Variants in POLR1E observed in about 807,000 individuals in gnomAD.
The protein encoded by POLR1E is DNA-directed RNA polymerase I subunit RPA49.
A neutral mutation model predicts 50.9 loss-of-function variants in POLR1E; 37 were observed. The ratio of observed to expected loss-of-function variants is 0.73; its 90% CI spans 0.56 to 0.96. The LOEUF is 0.96. POLR1E is among the 40% of genes least tolerant of loss of function. POLR1E has a pLI of 0.00. For missense variants in POLR1E, 426 were observed against 518.1 expected, an observed-to-expected ratio of 0.82 and a Z score of 1.73; for synonymous variants, 166 against 191.6, an observed-to-expected ratio of 0.87 and a Z score of 1.10.
chr9:37,501,615 GTGCATA>G, intron 10 of POLR1E, 92 bp from the exon 11 acceptor site: 1 of 1,412,040 alleles, frequency 7.1e-7, no homozygotes, highest in Non-Finnish European at 9.6e-7. Context: ...AAGACATTCC[GTGCATA>G]TGAGAATAGG....
At chr9:37,496,623 CTTTT>C (rs376455174) in intron 8 of POLR1E, among the ~76,000 whole-genome samples, 50 of 112,504 alleles carry the variant, frequency 4.4e-4, no homozygotes, top group African/African-American at 1.6e-3. Flanking sequence ...ATTATTATTT[CTTTT>C]TTTTTTTTTT....
intron 9 of POLR1E, among the ~76,000 whole-genome samples, chr9:37,499,613 C>T (rs1820842889): frequency 6.6e-6 from 1 of 152,108 alleles, no homozygotes; most frequent in Non-Finnish European, 1.5e-5. Flanking sequence ...CTCACTACAA[C>T]CTCCATCTCC....
chr9:37,492,043 C>G (rs184540939), intron 4 of POLR1E, among the ~76,000 whole-genome samples: 1 of 152,264 alleles, frequency 6.6e-6, no homozygotes, highest in East Asian at 1.9e-4. Flanking sequence ...CTGTTCTAAG[C>G]ACTTTCCATG....
At chr9:37,492,344 G>A in intron 4 of POLR1E, 1 of 1,302,490 alleles carries the variant, frequency 7.7e-7, no homozygotes, top group South Asian at 1.2e-5. Context: ...TTCTAATCCT[G>A]TCTCTGCCAC....
At chr9:37,492,382 A>C (rs2119005188) in intron 4 of POLR1E, 1 of 1,149,782 alleles carries the variant, frequency 8.7e-7, no homozygotes. Context: ...TGGGGCAAGT[A>C]ATTTCATCTG....
chr9:37,494,743 A>T (rs1409777546), intron 6 of POLR1E, among the ~76,000 whole-genome samples: 1 of 152,076 alleles, frequency 6.6e-6, no homozygotes, highest in Non-Finnish European at 1.5e-5. Context: ...CTGGCTGCGG[A>T]GTTATTCTTG....
chr9:37,503,168 C>A lies in POLR1E; in HGVS notation c.1226C>A (p.Ser409Ter). ...CTCCCGCTGCCTCCAGCCCAGACCT[C>A]AGACCGCCTGGCAAAGCGGAGGAAG... is the stretch of plus-strand genomic sequence containing the variant. ...LSLPLPPAQT[S>*]DRLAKRRKIT Residue 409 changes from serine (S) to a stop codon, truncating the protein, a stop_gained, in exon 12 of 12, where the codon TCA becomes TAA. Transcript: ENST00000377798. LOFTEE classifies it high-confidence loss of function. 1 of 1,612,202 alleles carries A rather than the reference C, an allele frequency of 6.2e-7. No homozygotes were observed. Among genetic ancestry groups the A allele is most frequent in the Non-Finnish European group, 8.5e-7 (1 of 1,179,588 alleles).
At chr9:37,492,804 T>A (rs1820708832) in intron 5 of POLR1E, 89 bp downstream of exon 5, 1 of 1,167,196 alleles carries the variant, frequency 8.6e-7, no homozygotes, top group African/African-American at 1.5e-5. Flanking sequence ...CTTGTTGAAC[T>A]CAAGGGTCTC....
rs754610312 is a variant in POLR1E at position 37,500,945 on chromosome 9, T to G, written c.968+24T>G. On this transcript the variant is annotated intron_variant, in intron 10 of 11. Transcript: ENST00000377798. ...AGGTCAGGGGGTGGTTGCTGGGATTTTTCTTGTGCAGGAGAAAGTAGGTGG... is the reference window on the plus strand; with the variant it reads ...AGGTCAGGGGGTGGTTGCTGGGATTGTTCTTGTGCAGGAGAAAGTAGGTGG... The G allele has an allele frequency of 1.1e-5, 17 of 1,591,046 alleles. No individual in the cohort carries two copies. In the South Asian group the frequency reaches 1.8e-4, roughly 17 times the overall value.
intron 2 of POLR1E, among the ~76,000 whole-genome samples, chr9:37,487,490 A>G (rs1378593599): frequency 6.6e-6 from 1 of 152,204 alleles, no homozygotes; most frequent in Non-Finnish European, 1.5e-5. Flanking sequence ...TGAATCAGCC[A>G]TGGTCCTGAG....
At chr9:37,502,890 C>G (rs1177015324) in intron 11 of POLR1E, among the ~76,000 whole-genome samples, 153 bp from the exon 12 acceptor site, 1 of 152,170 alleles carries the variant, frequency 6.6e-6, no homozygotes, top group Non-Finnish European at 1.5e-5. Context: ...GGGACCTTGC[C>G]TGCCTCTCTG....
rs60990519 is a variant in POLR1E at position 37,503,419 on chromosome 9, GAA to G, written c.*226_*227del. ...TAGGGAGACCCCATCTCTACCGGAG[GAA>G]AAAAAAAAGAGTCAGGCCTGGTGGT... On this transcript the variant is annotated 3_prime_UTR_variant, in exon 12 of 12. Transcript: ENST00000377798. 78,266 of 374,814 alleles carry G rather than the reference GAA, an allele frequency of 0.21. 8,990 individuals carry two copies. The highest frequency in any genetic ancestry group is 0.27 in the Admixed American group (6,107 of 22,252). The allele number at this position is 374,814 out of a possible 1,614,324, so 23.2% of individuals were successfully genotyped here.
At position 37,488,201 on chromosome 9, in the gene POLR1E, GTC is replaced by G. The variant is rs1820612132; in HGVS notation, c.257+267_257+268del. On this transcript the variant is annotated intron_variant, in intron 3 of 11. Transcript: ENST00000377798. ...ATAGCTGTCTTATTCCAAAAGGCAG[GTC>G]TCTCCATTAATTTGGAATGTGTGAC... 2.6e-5 allele frequency among the ~76,000 whole-genome samples: 4 copies of G among 152,276 alleles called. No homozygotes were observed. The South Asian group carries it at 8.3e-4, about 32-fold the overall frequency.
chr9:37,490,868 C>T (rs1297070027), intron 4 of POLR1E: 3 of 542,512 alleles, frequency 5.5e-6, no homozygotes, highest in Non-Finnish European at 1.1e-5. Flanking sequence ...TTGGGTGCCT[C>T]TCCTCTTTCC....
At chr9:37,500,636 G>A (rs893966032) in intron 9 of POLR1E, among the ~76,000 whole-genome samples, 3 of 152,120 alleles carry the variant, frequency 2.0e-5, no homozygotes, top group Non-Finnish European at 2.9e-5. Context: ...AGCATCTCTC[G>A]TGCAGGGCAA....
At chr9:37,490,689 A>G in intron 4 of POLR1E, 1 of 696,430 alleles carries the variant, frequency 1.4e-6, no homozygotes, top group South Asian at 1.4e-5. Context: ...TGCCAGCAGC[A>G]TGCTAAACTG....
At chr9:37,496,164 G>A (rs7867542) in intron 8 of POLR1E, among the ~76,000 whole-genome samples, 178 bp downstream of exon 8, 42,349 of 151,976 alleles carry the variant, frequency 0.28, 6,484 homozygotes, top group African/African-American at 0.4. Context: ...GGTCACATTC[G>A]AGGGAGAGGG....
chr9:37,498,622 C>T (rs765719311), intron 9 of POLR1E, among the ~76,000 whole-genome samples: 5 of 152,206 alleles, frequency 3.3e-5, no homozygotes, highest in Admixed American at 6.5e-5. Context: ...TTATGAGTTA[C>T]ACAGATGTAT....
At chr9:37,489,289 A>T (rs1475631696) in intron 3 of POLR1E, 26 bp from the exon 4 acceptor site, 3 of 1,481,518 alleles carry the variant, frequency 2.0e-6, no homozygotes, top group Non-Finnish European at 2.8e-6. Flanking sequence ...ATCCATTGTT[A>T]TTTGTATTAT....
Sources: allele counts gnomAD v4.1 joint callset (sites outside exome capture counted in the v4.1 genomes callset), GRCh38; gene constraint gnomAD v4.1.1; transcripts MANE v1.5; gene names NCBI Gene and HGNC (gene_info 2026-07-23, HGNC 2026-07-21).